The following KDM5A variants were observed in gnomAD, a reference collection of about 807,000 sequenced individuals.
KDM5A encodes the protein lysine demethylase 5A.
KDM5A carries 42 observed loss-of-function variants against 193.5 expected under a neutral mutation model. The ratio of observed to expected loss-of-function variants is 0.22; its 90% CI spans 0.17 to 0.28. The LOEUF is 0.28. Ranked by LOEUF, KDM5A falls within the 10% of genes least tolerant of loss-of-function variation. KDM5A has a pLI of 1.00. For missense variants in KDM5A, 1,692 were observed against 2,055.1 expected (o/e 0.82, Z 3.42); for synonymous variants, 796 against 718.1 (o/e 1.11, Z -1.73).
rs368037236 is a variant in KDM5A, at chr12:307,052, C to T, written c.3968G>A (p.Arg1323Gln). Residue 1323 changes from arginine (R) to glutamine (Q), a missense_variant, in exon 24 of 28, where the codon CGG (arginine) becomes CAG (glutamine). By Grantham distance (43) the Arg-to-Gln change is conservative. Around this residue, in one of 11 missense-constraint regions of KDM5A, gnomAD observed 965 missense variants for 1,061.0 expected, o/e 0.91. Transcript: ENST00000399788. This position sits in a 1 kb window ranked among gnomAD's most constrained non-coding sequence, Gnocchi z 4.3. The stretch of plus-strand genomic sequence containing the variant: ...AGAAGATGACACACTGCTCACCACC[C>T]GGTTAAAAGCAGACTGCTGGAAACT... Reference protein sequence around the residue: ...LPSFQQSAFNRVVSSVSSSPR... With the variant: ...LPSFQQSAFNQVVSSVSSSPR... The T allele has an allele frequency of 2.9e-5, 46 of 1,613,922 alleles. No homozygotes were observed. The highest frequency in any genetic ancestry group is 3.5e-5 in the Non-Finnish European group (41 of 1,180,000).
chr12:363,306 A>G (rs1262362968), intron 4 of KDM5A, among the ~76,000 whole-genome samples: 3 of 152,222 alleles, frequency 2.0e-5, no homozygotes, highest in African/African-American at 7.2e-5. Context: ...ATTTGGAAAT[A>G]TAAGTTGTTT....
intron 5 of KDM5A, among the ~76,000 whole-genome samples, chr12:356,968 A>G (rs1317209229): frequency 1.3e-5 from 2 of 152,190 alleles, no homozygotes; most frequent in African/African-American, 4.8e-5. Flanking sequence ...AGCCCCTGGG[A>G]AAGACTGCCA....
chr12:309,658 T>G (rs1943556949), intron 22 of KDM5A, 145 bp downstream of exon 22: 2 of 852,692 alleles, frequency 2.3e-6, no homozygotes, highest in Non-Finnish European at 3.7e-6. Flanking sequence ...TTATAAATAT[T>G]TACTTTTAAT....
At chr12:353,305 G>A (rs1159354147) in intron 8 of KDM5A, among the ~76,000 whole-genome samples, 1 of 152,144 alleles carries the variant, frequency 6.6e-6, no homozygotes, top group Non-Finnish European at 1.5e-5. Flanking sequence ...ACTGCAGACT[G>A]AGCGAGAGGC....
chr12:281,310 T>C lies in KDM5A; in HGVS notation c.*4146A>G, dbSNP rs1943151968. On this transcript the variant is annotated 3_prime_UTR_variant, in exon 28 of 28. Transcript: ENST00000399788. ...TTGAGGTTTTACAAGACATTCCTGTTTAGACCACTTGGAGTACTGCAAAAG... is the reference window on the plus strand; with the variant it reads ...TTGAGGTTTTACAAGACATTCCTGTCTAGACCACTTGGAGTACTGCAAAAG... 1 of 233,154 alleles carries C rather than the reference T, an allele frequency of 4.3e-6. No individual in the cohort carries two copies. 14.4% of individuals were successfully genotyped at this position (233,154 alleles called of 1,614,324 possible).
intron 3 of KDM5A, among the ~76,000 whole-genome samples, chr12:375,147 C>G (rs1944486032): frequency 6.6e-6 from 1 of 152,166 alleles, no homozygotes. Context: ...GGGAAGTTCT[C>G]CTGGATAATA....
chr12:310,871 T>C lies in KDM5A; in HGVS notation c.3216+14A>G, dbSNP rs757668921. ...AATTATCAGCTGCTTATGAGAGTGTTGAAGTTCAAGTACCTGTAACAATGT... is the reference window on the plus strand; with the variant it reads ...AATTATCAGCTGCTTATGAGAGTGTCGAAGTTCAAGTACCTGTAACAATGT... On this transcript the variant is annotated intron_variant, in intron 21 of 27. Coordinates refer to ENST00000399788, the MANE Select transcript of KDM5A (RefSeq NM_001042603.3). 3.1e-6 allele frequency: 5 copies of C among 1,613,588 alleles called. No homozygotes were observed.
At chr12:350,379 T>C (rs1944140006) in intron 10 of KDM5A, among the ~76,000 whole-genome samples, 1 of 144,772 alleles carries the variant, frequency 6.9e-6, no homozygotes, top group Non-Finnish European at 1.5e-5. Flanking sequence ...GAGGTTGCGG[T>C]GAGCTAAGCT....
At chr12:308,722 T>C (rs1943544506) in intron 22 of KDM5A, among the ~76,000 whole-genome samples, 1 of 152,264 alleles carries the variant, frequency 6.6e-6, no homozygotes. Context: ...TCTAGCAAGA[T>C]TGACTTGTTA....
At chr12:353,265 G>T (rs955251393) in intron 8 of KDM5A, among the ~76,000 whole-genome samples, 1 of 152,106 alleles carries the variant, frequency 6.6e-6, no homozygotes, top group South Asian at 2.1e-4. Flanking sequence ...AGAAGCCAGA[G>T]GCTGCAGTGA....
intron 14 of KDM5A, among the ~76,000 whole-genome samples, chr12:327,199 T>C (rs1943801302): frequency 6.6e-6 from 1 of 152,114 alleles, no homozygotes; most frequent in Non-Finnish European, 1.5e-5. Flanking sequence ...AGAAACATGG[T>C]AGAGGATCAG....
intron 5 of KDM5A, among the ~76,000 whole-genome samples, chr12:357,579 C>T (rs143781262): frequency 0.024 from 3,589 of 151,818 alleles, 54 homozygotes; most frequent in Middle Eastern, 0.045. Context: ...CCTGTAATCC[C>T]AGCACTTTGG....
In KDM5A at chr12:327,804, G is replaced by A. The variant is rs566876925; in HGVS notation, c.1968+1031C>T. Reference sequence around the variant, plus strand: ...AAGGCAGGAGGACTGCTTGAAGCCAGGAGTTTGAGACCAGCCTAGGTAACA... The same window carrying A: ...AAGGCAGGAGGACTGCTTGAAGCCAAGAGTTTGAGACCAGCCTAGGTAACA... On this transcript the variant is annotated intron_variant, in intron 14 of 27. Coordinates refer to ENST00000399788, the MANE Select transcript of KDM5A (RefSeq NM_001042603.3). Among the ~76,000 whole-genome samples, 12 of 152,342 alleles carry A rather than the reference G, an allele frequency of 7.9e-5. No homozygotes were observed. The South Asian group carries it at 2.5e-3, about 32-fold the overall frequency.
chr12:368,257 G>T (rs1172482343), intron 3 of KDM5A, among the ~76,000 whole-genome samples: 2 of 152,318 alleles, frequency 1.3e-5, no homozygotes, highest in South Asian at 4.1e-4. Context: ...AGGAGTGGTG[G>T]AAGGGAGAAG....
At chr12:368,900 T>C (rs527437614) in intron 3 of KDM5A, among the ~76,000 whole-genome samples, 28 of 152,310 alleles carry the variant, frequency 1.8e-4, no homozygotes, top group East Asian at 7.7e-4. Flanking sequence ...GATAAAGTAC[T>C]ATACCAATGT....
In KDM5A at chr12:283,587, C is replaced by T; in HGVS notation, c.*1869G>A. 4.3e-6 allele frequency: 1 copy of T among 233,064 alleles called. No homozygotes were observed. Among genetic ancestry groups the T allele is most frequent in the Non-Finnish European group, 8.5e-6 (1 of 117,728 alleles). 14.4% of individuals were successfully genotyped at this position (233,064 alleles called of 1,614,324 possible). A position where few individuals can be genotyped will look rare whatever the true frequency, so the allele number is the denominator to read the frequency against. ...GATTCCTTTTGAGTTAAATCTCATA[C>T]CCACTCAAACTGTAACTGGACAGTA... On this transcript the variant is annotated 3_prime_UTR_variant, in exon 28 of 28. Transcript: ENST00000399788.
chr12:300,986 G>A (rs1943434325), intron 24 of KDM5A, among the ~76,000 whole-genome samples: 1 of 152,160 alleles, frequency 6.6e-6, no homozygotes, highest in Non-Finnish European at 1.5e-5. Context: ...CCAGGAAGAA[G>A]TTGAATCCCT....
At chr12:356,994 C>T (rs192277610) in intron 5 of KDM5A, among the ~76,000 whole-genome samples, 7 of 152,126 alleles carry the variant, frequency 4.6e-5, no homozygotes, top group African/African-American at 1.7e-4. Flanking sequence ...TAATAAAAGG[C>T]GAATGGCCAG....
Position 282,293 on chromosome 12 carries a change from C to T in KDM5A, c.*3163G>A, listed in dbSNP as rs897057192. ...CACAGGTGCACTCTACTGCACCTGGCTGCCATGTTTTTTATTATTAAAGTA... is the reference window on the plus strand; with the variant it reads ...CACAGGTGCACTCTACTGCACCTGGTTGCCATGTTTTTTATTATTAAAGTA... On this transcript the variant is annotated 3_prime_UTR_variant, in exon 28 of 28. Transcript: ENST00000399788. 2 of 233,494 alleles carry T rather than the reference C, an allele frequency of 8.6e-6. No individual in the cohort carries two copies. Among genetic ancestry groups the T allele is most frequent in the Non-Finnish European group, 1.7e-5 (2 of 118,248 alleles). The allele number at this position is 233,494 out of a possible 1,614,324, so 14.5% of individuals were successfully genotyped here. A position where few individuals can be genotyped will look rare whatever the true frequency, so the allele number is the denominator to read the frequency against.
Sources: gnomAD v4.1 joint callset for allele counts (sites outside exome capture counted in the v4.1 genomes callset) on GRCh38, gnomAD v4.1.1 for gene constraint, gnomAD v4.1.1 regional missense constraint, Gnocchi (gnomAD v3.1) non-coding constraint, MANE v1.5 for transcripts, NCBI Gene and HGNC (gene_info 2026-07-23, HGNC 2026-07-21) for gene names.